ITPR1: variants seen among roughly 807,000 people sequenced by gnomAD.
ITPR1 encodes the protein inositol 1,4,5-trisphosphate receptor type 1.
Under a neutral mutation model 318.4 loss-of-function variants are expected in ITPR1, and 96 were observed. The ratio of observed to expected loss-of-function variants is 0.30; its 90% CI spans 0.26 to 0.36. ITPR1 has a LOEUF of 0.36. ITPR1 is among the 10% of genes least tolerant of loss of function. ITPR1 has a pLI of 1.00. For missense variants in ITPR1, 2,440 were observed against 3,460.2 expected, an observed-to-expected ratio of 0.71 and a Z score of 7.40; for synonymous variants, 1,312 against 1,289.9, an observed-to-expected ratio of 1.02 and a Z score of -0.37.
rs76610571 is a variant in ITPR1, at chr3:4,825,914, G to A, written c.8028+7672G>A. The A allele has an allele frequency of 7.2e-3, 2,795 of 387,564 alleles. 25 individuals carry two copies. The highest frequency in any genetic ancestry group is 0.01 in the Non-Finnish European group (1,954 of 194,394). 24.0% of individuals were successfully genotyped at this position (387,564 alleles called of 1,614,324 possible). A position where few individuals can be genotyped will look rare whatever the true frequency, so the allele number is the denominator to read the frequency against. On this transcript the variant is annotated intron_variant, in intron 60 of 61. Coordinates refer to ENST00000649015, the MANE Select transcript of ITPR1 (RefSeq NM_001378452.1). ...AGGACCTAGGTTTGGGGGAAAAGAT[G>A]GTGGCAGCAGTGACCGGAGCCACGA...
chr3:4,550,371 A>T (rs550692504), intron 4 of ITPR1, among the ~76,000 whole-genome samples: 52 of 152,250 alleles, frequency 3.4e-4, no homozygotes, highest in Middle Eastern at 3.4e-3. Context: ...TCCAACCCAC[A>T]GACGCGCTGC....
intron 60 of ITPR1, among the ~76,000 whole-genome samples, chr3:4,832,253 A>C (rs2050571698): frequency 6.6e-6 from 1 of 152,148 alleles, no homozygotes; most frequent in African/African-American, 2.4e-5. Flanking sequence ...GTGATTGATA[A>C]ATTTCTGGAC....
At chr3:4,685,600 G>A (rs188188260) in intron 30 of ITPR1, among the ~76,000 whole-genome samples, 138 of 152,324 alleles carry the variant, frequency 9.1e-4, no homozygotes, top group Admixed American at 2.1e-3. Context: ...TAGGAACATG[G>A]GATGTGCCCA....
chr3:4,703,620 G>A lies in ITPR1; in HGVS notation c.4657+670G>A, dbSNP rs892169678. 2.0e-5 allele frequency among the ~76,000 whole-genome samples: 3 copies of A among 152,222 alleles called. No individual in the cohort carries two copies. The South Asian group carries it at 6.2e-4, about 32-fold the overall frequency. The stretch of plus-strand genomic sequence containing the variant: ...GCCTGGAGTGGCCTCTTAGATCCTT[G>A]CAGACAGTAACAAGAAGAGCAAGAC... On this transcript the variant is annotated intron_variant, in intron 36 of 61. Transcript: ENST00000649015.
At chr3:4,810,946 T>C (rs552016558) in intron 55 of ITPR1, among the ~76,000 whole-genome samples, 1 of 152,344 alleles carries the variant, frequency 6.6e-6, no homozygotes, top group East Asian at 1.9e-4. Flanking sequence ...GCCAAGACCC[T>C]CATCACTTTC....
chr3:4,569,304 T>C (rs945827031), intron 4 of ITPR1, among the ~76,000 whole-genome samples: 19 of 152,254 alleles, frequency 1.2e-4, no homozygotes, highest in Non-Finnish European at 2.6e-4. Context: ...TTTCCTTATA[T>C]TTGGCCATAT....
intron 52 of ITPR1, among the ~76,000 whole-genome samples, chr3:4,792,840 G>C (rs2047658756): frequency 6.6e-6 from 1 of 152,172 alleles, no homozygotes; most frequent in South Asian, 2.1e-4. Flanking sequence ...TACTCAAGTG[G>C]AAGGGAAATT....
chr3:4,791,326 A>C (rs2047539752), intron 52 of ITPR1, among the ~76,000 whole-genome samples: 1 of 152,216 alleles, frequency 6.6e-6, no homozygotes. Flanking sequence ...GGTTTCATGG[A>C]AGACAATTTT....
intron 51 of ITPR1, among the ~76,000 whole-genome samples, chr3:4,784,571 T>G (rs111966713): frequency 0.02 from 2,943 of 145,710 alleles, 97 homozygotes; most frequent in African/African-American, 0.069. Flanking sequence ...TTTTTGTTTT[T>G]TTTTTTTTTT....
intron 16 of ITPR1, among the ~76,000 whole-genome samples, chr3:4,664,430 G>C (rs1316291636): frequency 1.3e-5 from 2 of 152,200 alleles, no homozygotes; most frequent in Non-Finnish European, 2.9e-5. Flanking sequence ...AGCTAAAAGA[G>C]AAACATATTA....
chr3:4,645,382 T>C lies in ITPR1; in HGVS notation c.625-5T>C. On this transcript the variant is annotated splice_region_variant and splice_polypyrimidine_tract_variant and intron_variant, in intron 8 of 61. Transcript: ENST00000649015. ...GTGAAAAAATAACTCGAATCTGTGTTTCAGGTCAATTCCGTCAACTGCAAT... is the reference window on the plus strand; with the variant it reads ...GTGAAAAAATAACTCGAATCTGTGTCTCAGGTCAATTCCGTCAACTGCAAT... The C allele has an allele frequency of 6.2e-7, 1 of 1,606,016 alleles. No individual in the cohort carries two copies.
intron 24 of ITPR1, among the ~76,000 whole-genome samples, chr3:4,678,404 G>T (rs3828434): frequency 6.6e-6 from 1 of 151,918 alleles, no homozygotes; most frequent in African/African-American, 2.4e-5. Flanking sequence ...CAGAAACGAC[G>T]CAGTGCAAAA....
chr3:4,743,807 A>G (rs1038727782), intron 44 of ITPR1, among the ~76,000 whole-genome samples: 5 of 152,156 alleles, frequency 3.3e-5, no homozygotes, highest in African/African-American at 1.2e-4. Flanking sequence ...GAAACCTAGA[A>G]GCAGGAATTT....
In ITPR1 at chr3:4,816,681, G is replaced by A. The variant is rs191541551; in HGVS notation, c.7868-1401G>A. Reference sequence around the variant, plus strand: ...TAGGATTACAGGCATGAGCCACTGCGCCCAGCCGTGATACTAACGTTGATC... The same window carrying A: ...TAGGATTACAGGCATGAGCCACTGCACCCAGCCGTGATACTAACGTTGATC... On this transcript the variant is annotated intron_variant, in intron 59 of 61. Coordinates refer to ENST00000649015, the MANE Select transcript of ITPR1 (RefSeq NM_001378452.1). 5.1e-4 allele frequency among the ~76,000 whole-genome samples: 77 copies of A among 152,254 alleles called. No homozygotes were observed. The East Asian group carries it at 0.011, about 21-fold the overall frequency.
chr3:4,571,314 C>T (rs985050059), intron 4 of ITPR1, among the ~76,000 whole-genome samples: 11 of 151,986 alleles, frequency 7.2e-5, no homozygotes, highest in African/African-American at 1.7e-4. Context: ...ACTTCTTTTT[C>T]TTTTTTTCTC....
intron 60 of ITPR1, among the ~76,000 whole-genome samples, chr3:4,835,645 G>C (rs956355511): frequency 6.6e-6 from 1 of 152,154 alleles, no homozygotes; most frequent in African/African-American, 2.4e-5. Context: ...AACTGGTCCA[G>C]GTGAGAATGA....
At chr3:4,630,560 G>A (rs979211217) in intron 5 of ITPR1, among the ~76,000 whole-genome samples, 9 of 108,546 alleles carry the variant, frequency 8.3e-5, no homozygotes, top group South Asian at 3.5e-4. Context: ...TAAATTGTCC[G>A]CATTATTATT....
intron 2 of ITPR1, among the ~76,000 whole-genome samples, chr3:4,515,613 C>T (rs2124914929): frequency 6.6e-6 from 1 of 152,194 alleles, no homozygotes; most frequent in Middle Eastern, 3.4e-3. Context: ...ATTTATGGCC[C>T]TGATGAAAGC....
At chr3:4,509,561 G>A (rs1222059590) in intron 2 of ITPR1, among the ~76,000 whole-genome samples, 1 of 152,230 alleles carries the variant, frequency 6.6e-6, no homozygotes, top group Non-Finnish European at 1.5e-5. Context: ...AGAGGCTGAA[G>A]CAGGAGGATT....
Sources: gnomAD v4.1 joint callset for allele counts (sites outside exome capture counted in the v4.1 genomes callset) on GRCh38, gnomAD v4.1.1 for gene constraint, MANE v1.5 for transcripts, NCBI Gene and HGNC (gene_info 2026-07-23, HGNC 2026-07-21) for gene names.